The following SEMA6B variants were observed in gnomAD, a reference collection of about 807,000 sequenced individuals.
The protein encoded by SEMA6B is semaphorin-6B.
SEMA6B carries 47 observed loss-of-function variants against 78.6 expected under a neutral mutation model. That is an observed-to-expected ratio of 0.60 (90% CI 0.47 to 0.76). The LOEUF is 0.76. Ranked by LOEUF, SEMA6B falls within the 30% of genes least tolerant of loss-of-function variation. The pLI is 0.00. For missense variants in SEMA6B, 1,213 were observed against 1,269.9 expected (o/e 0.96, Z 0.68); for synonymous variants, 632 against 592.2 (o/e 1.07, Z -0.98).
chr19:4,547,876 G>T, intron 14 of SEMA6B, 151 bp downstream of exon 14: 1 of 932,662 alleles, frequency 1.1e-6, no homozygotes, highest in Non-Finnish European at 1.5e-6. Context: ...CACCAGGAGT[G>T]GTCCTGCCCG....
chr19:4,551,928 CAG>C (rs1977345186), intron 10 of SEMA6B, among the ~76,000 whole-genome samples: 1 of 152,154 alleles, frequency 6.6e-6, no homozygotes, highest in Non-Finnish European at 1.5e-5. Flanking sequence ...CCAGTGCTCT[CAG>C]GGAAAAAGTC....
Position 4,555,208 on chromosome 19 carries a change from G to A in SEMA6B, c.563-113C>T. 8.5e-7 allele frequency: 1 copy of A among 1,182,830 alleles called. No individual in the cohort carries two copies. Among genetic ancestry groups the A allele is most frequent in the South Asian group, 1.4e-5 (1 of 70,712 alleles). 73.3% of individuals were successfully genotyped at this position (1,182,830 alleles called of 1,614,324 possible). The stretch of plus-strand genomic sequence containing the variant: ...GAGTCCTGAGCCTAGGGGAGCCCCT[G>A]TCTCCAGGCTGAGCCCTGATCCCAT... On this transcript the variant is annotated intron_variant, in intron 7 of 16. Coordinates refer to ENST00000586582, the MANE Select transcript of SEMA6B (RefSeq NM_032108.4). The surrounding 1 kb of genome is among the most constrained non-coding windows in gnomAD (Gnocchi z 6.1).
chr19:4,547,903 C>T (rs1977210789), intron 14 of SEMA6B, 124 bp downstream of exon 14: 10 of 1,276,480 alleles, frequency 7.8e-6, no homozygotes, highest in Non-Finnish European at 1.0e-5. Context: ...TTTGCACGGG[C>T]CATGCCCTCT....
chr19:4,552,638 A>C lies in SEMA6B; in HGVS notation c.773T>G (p.Val258Gly). The C allele has an allele frequency of 6.2e-7, 1 of 1,600,446 alleles. No individual in the cohort carries two copies. Among genetic ancestry groups the C allele is most frequent in the Non-Finnish European group, 8.5e-7 (1 of 1,171,600 alleles). Residue 258 changes from valine to glycine, a missense_variant and splice_region_variant, in exon 10 of 17, where the codon GTG becomes GGG. Val to Gly is a moderately radical substitution (Grantham distance 109, BLOSUM62 -3). Transcript: ENST00000586582. The surrounding 1 kb of genome is among the most constrained non-coding windows in gnomAD (Gnocchi z 7.4). ...IAMEFNYLEK[V>G]VVSRVARVCK... The stretch of plus-strand genomic sequence containing the variant: ...CACTCGGGCCACGCGGGACACCACC[A>C]CCTGGGCGTGACAGTGGACGGACGG...
At chr19:4,553,448 GTGGATGGA>G (rs763844125) in intron 9 of SEMA6B, among the ~76,000 whole-genome samples, 91 of 116,190 alleles carry the variant, frequency 7.8e-4, no homozygotes, top group East Asian at 2.1e-3. Context: ...GGATGGGTGA[GTGGATGGA>G]TGGATGGATG....
chr19:4,559,550 G>A lies in SEMA6B; in HGVS notation c.-53C>T, dbSNP rs62115781. ...CCTACCAGAAAGGGGTACAGTCCAG[G>A]TCCCGGAGCCCCGAATGAGAAGTTC... On this transcript the variant is annotated 5_prime_UTR_variant, in exon 1 of 17. Coordinates refer to ENST00000586582, the MANE Select transcript of SEMA6B (RefSeq NM_032108.4). 1 of 152,152 alleles carries A rather than the reference G, an allele frequency of 6.6e-6. No individual in the cohort carries two copies. Among genetic ancestry groups the A allele is most frequent in the Non-Finnish European group, 1.5e-5 (1 of 68,056 alleles). 9.4% of individuals were successfully genotyped at this position (152,152 alleles called of 1,614,324 possible). A position where few individuals can be genotyped will look rare whatever the true frequency, so the allele number is the denominator to read the frequency against.
At position 4,555,914 on chromosome 19, in the gene SEMA6B, G is replaced by T; in HGVS notation, c.471+74C>A. 2 of 1,190,820 alleles carry T rather than the reference G, an allele frequency of 1.7e-6. No individual in the cohort carries two copies. The highest frequency in any genetic ancestry group is 2.5e-6 in the Non-Finnish European group (2 of 795,492). The allele number at this position is 1,190,820 out of a possible 1,614,324, so 73.8% of individuals were successfully genotyped here. A position where few individuals can be genotyped will look rare whatever the true frequency, so the allele number is the denominator to read the frequency against. On this transcript the variant is annotated intron_variant, in intron 6 of 16. Coordinates refer to ENST00000586582, the MANE Select transcript of SEMA6B (RefSeq NM_032108.4). The surrounding 1 kb of genome is among the most constrained non-coding windows in gnomAD (Gnocchi z 6.1). ...AGGAGGTGACACGGCCTGGGGAAAAGCCATGGCCAGCGGAGGTCGGGCGAG... is the reference window on the plus strand; with the variant it reads ...AGGAGGTGACACGGCCTGGGGAAAATCCATGGCCAGCGGAGGTCGGGCGAG...
chr19:4,551,700 A>G (rs555587537), intron 10 of SEMA6B, among the ~76,000 whole-genome samples: 2 of 151,772 alleles, frequency 1.3e-5, no homozygotes, highest in African/African-American at 4.8e-5. Flanking sequence ...GTGGTGGCGC[A>G]CGCCTGTAAT....
In SEMA6B at chr19:4,544,071, G is replaced by T. The variant is rs772618530; in HGVS notation, c.2197C>A (p.Arg733Ser). 3.2e-6 allele frequency: 4 copies of T among 1,233,784 alleles called. No homozygotes were observed. Among genetic ancestry groups the T allele is most frequent in the Non-Finnish European group, 4.0e-6 (4 of 988,196 alleles). 76.4% of individuals were successfully genotyped at this position (1,233,784 alleles called of 1,614,324 possible). A position where few individuals can be genotyped will look rare whatever the true frequency, so the allele number is the denominator to read the frequency against. ...AGGGGGTGGCCGTGGTCCCAGGCGCGGGGGCCCAGGGCGTGGGGGTGCGGG... is the reference window on the plus strand; with the variant it reads ...AGGGGGTGGCCGTGGTCCCAGGCGCTGGGGCCCAGGGCGTGGGGGTGCGGG... ...PHPHPHALGPRAWDHGHPLLP... is the reference protein window; with the variant it reads ...PHPHPHALGPSAWDHGHPLLP... Residue 733 changes from arginine (R) to serine (S), a missense_variant, in exon 17 of 17, where the codon CGC becomes AGC. Coordinates refer to ENST00000586582, the MANE Select transcript of SEMA6B (RefSeq NM_032108.4). This position sits in a 1 kb window ranked among gnomAD's most constrained non-coding sequence, Gnocchi z 5.1.
At chr19:4,556,408 C>T (rs1444123663) in intron 5 of SEMA6B, among the ~76,000 whole-genome samples, 1 of 151,508 alleles carries the variant, frequency 6.6e-6, no homozygotes, top group South Asian at 2.1e-4. Context: ...GGGGCATGGT[C>T]GTGACCAGAA....
chr19:4,551,219 G>T (rs1977323063), intron 10 of SEMA6B, among the ~76,000 whole-genome samples: 2 of 143,298 alleles, frequency 1.4e-5, no homozygotes, highest in South Asian at 4.4e-4. Flanking sequence ...TCCCCAGCAG[G>T]CTTTTTTTTT....
In SEMA6B at chr19:4,556,962, C is replaced by G; in HGVS notation, c.358G>C (p.Gly120Arg). Residue 120 changes from glycine to arginine, a missense_variant, in exon 5 of 17, where the codon GGC becomes CGC. Gly to Arg is a moderately radical substitution (Grantham distance 125, BLOSUM62 -2). Transcript: ENST00000586582. The stretch of plus-strand genomic sequence containing the variant: ...CAGGGCCAACTCACCTCCTGTTTGC[C>G]CTTCATCCGACACACGTTTATGTCG... ...PSDINVCRMK[G>R]KQEGECRNFV... The G allele has an allele frequency of 1.2e-6, 2 of 1,613,214 alleles. No homozygotes were observed. Among genetic ancestry groups the G allele is most frequent in the Non-Finnish European group, 8.5e-7 (1 of 1,179,594 alleles).
Position 4,552,637 on chromosome 19 carries a change from C to T in SEMA6B, c.774G>A (p.Val258=). ...ACACTCGGGCCACGCGGGACACCAC[C>T]ACCTGGGCGTGACAGTGGACGGACG... ...IAMEFNYLEK[V]VVSRVARVCK... The change falls in exon 10 of 17, where the codon GTG becomes GTA. Residue 258 remains valine (V), a splice_region_variant and synonymous_variant. Transcript: ENST00000586582. The surrounding 1 kb of genome is among the most constrained non-coding windows in gnomAD (Gnocchi z 7.4). The T allele has an allele frequency of 6.2e-7, 1 of 1,601,770 alleles. No individual in the cohort carries two copies. Among genetic ancestry groups the T allele is most frequent in the Non-Finnish European group, 8.5e-7 (1 of 1,172,470 alleles).
In SEMA6B at chr19:4,550,252, G is replaced by A; in HGVS notation, c.1142C>T (p.Pro381Leu). ...GCTGGAGGCATTGTACTGCATCCCG[G>A]GGGCTGCGCAGCACCCGGGCCTGGG... ...PRPRPGCCAAPGMQYNASSAL... is the reference protein window; with the variant it reads ...PRPRPGCCAALGMQYNASSAL... The change falls in exon 12 of 17, where the codon CCC becomes CTC. Residue 381 changes from proline to leucine, a missense_variant. Coordinates refer to ENST00000586582, the MANE Select transcript of SEMA6B (RefSeq NM_032108.4). The surrounding 1 kb of genome is among the most constrained non-coding windows in gnomAD (Gnocchi z 6.6). 1 of 1,613,546 alleles carries A rather than the reference G, an allele frequency of 6.2e-7. No individual in the cohort carries two copies. The highest frequency in any genetic ancestry group is 1.7e-5 in the Admixed American group (1 of 60,010).
rs998586149 is a variant in SEMA6B, at chr19:4,550,968, G to A, written c.990-38C>T. 5.6e-6 allele frequency: 9 copies of A among 1,610,712 alleles called. No homozygotes were observed. Among genetic ancestry groups the A allele is most frequent in the Non-Finnish European group, 5.9e-6 (7 of 1,178,370 alleles). On this transcript the variant is annotated intron_variant, in intron 10 of 16. Coordinates refer to ENST00000586582, the MANE Select transcript of SEMA6B (RefSeq NM_032108.4). The surrounding 1 kb of genome is among the most constrained non-coding windows in gnomAD (Gnocchi z 6.6). ...GATGAAAGAGTTTGGTGAGCCCGGT[G>A]GGAGGCCCCATCTCGGACAAGTGCG...
rs890425840 is a variant in SEMA6B, at chr19:4,542,607, G to A, written c.*994C>T. The A allele has an allele frequency of 1.6e-5, 8 of 488,846 alleles. No individual in the cohort carries two copies. Among genetic ancestry groups the A allele is most frequent in the Non-Finnish European group, 2.7e-5 (7 of 263,778 alleles). 30.3% of individuals were successfully genotyped at this position (488,846 alleles called of 1,614,324 possible). ...ATGGGGGCCGGTGGTTGTAAACAGA[G>A]TTTTATTGATGGGGAGGGGGCTGGG... On this transcript the variant is annotated 3_prime_UTR_variant, in exon 17 of 17. Transcript: ENST00000586582.
At chr19:4,554,881 A>C (rs1977426330) in intron 8 of SEMA6B, 95 bp downstream of exon 8, 3 of 1,417,498 alleles carry the variant, frequency 2.1e-6, no homozygotes, top group Non-Finnish European at 9.6e-7. Context: ...CTCTCCACCA[A>C]GCTCCTCTGG....
rs1275608481 is a variant in SEMA6B at position 4,544,446 on chromosome 19, C to T, written c.1822G>A (p.Val608Met). The T allele has an allele frequency of 6.2e-7, 1 of 1,601,118 alleles. No homozygotes were observed. Among genetic ancestry groups the T allele is most frequent in the Non-Finnish European group, 8.5e-7 (1 of 1,174,754 alleles). Reference sequence around the variant, plus strand: ...AAGCCGGACACCACGGCTCCCACCACGAAGGCCGCCACCGACGACGTTACC... The same window carrying T: ...AAGCCGGACACCACGGCTCCCACCATGAAGGCCGCCACCGACGACGTTACC... ...LLVTSSVAAF[V>M]VGAVVSGFSV... The change falls in exon 17 of 17, where the codon GTG (valine) becomes ATG (methionine). Residue 608 changes from valine to methionine, a missense_variant. Coordinates refer to ENST00000586582, the MANE Select transcript of SEMA6B (RefSeq NM_032108.4). This position sits in a 1 kb window ranked among gnomAD's most constrained non-coding sequence, Gnocchi z 5.1.
chr19:4,546,132 A>G (rs1160485297), intron 16 of SEMA6B, 84 bp downstream of exon 16: 6 of 1,354,826 alleles, frequency 4.4e-6, no homozygotes, highest in Non-Finnish European at 6.0e-6. Context: ...CTCCCAGAGG[A>G]TTCGAGGGTC....
Sources: gnomAD v4.1 joint callset for allele counts (sites outside exome capture counted in the v4.1 genomes callset) on GRCh38, gnomAD v4.1.1 for gene constraint, Gnocchi (gnomAD v3.1) non-coding constraint, MANE v1.5 for transcripts, NCBI Gene and HGNC (gene_info 2026-07-23, HGNC 2026-07-21) for gene names.